The following ADCY7 variants were observed in gnomAD, a reference collection of about 807,000 sequenced individuals.
ADCY7 encodes adenylate cyclase type 7.
ADCY7 carries 72 observed loss-of-function variants against 120.6 expected under a neutral mutation model. The observed-to-expected ratio is 0.60, with a 90% CI of 0.49 to 0.73. The LOEUF (loss-of-function observed/expected upper bound fraction) is 0.73, where lower values mean the gene tolerates loss of function less well. ADCY7 is among the 30% of genes least tolerant of loss of function. The probability of loss-of-function intolerance (pLI) is 0.00; values close to 1 mark genes in which losing one functional copy is unlikely to be tolerated. For missense variants in ADCY7, 1,227 were observed against 1,486.0 expected (o/e 0.83, Z 2.87); for synonymous variants, 661 against 628.0 (o/e 1.05, Z -0.78).
chr16:50,272,674 C>T (rs1299011102), intron 1 of ADCY7, among the ~76,000 whole-genome samples: 1 of 152,168 alleles, frequency 6.6e-6, no homozygotes, highest in Non-Finnish European at 1.5e-5. Flanking sequence ...TGTCTTGGTC[C>T]TGCTGCTGTT....
intron 1 of ADCY7, among the ~76,000 whole-genome samples, chr16:50,281,184 G>C (rs1456878556): frequency 6.6e-6 from 1 of 152,220 alleles, no homozygotes; most frequent in Non-Finnish European, 1.5e-5. Context: ...TTGCCAATTT[G>C]TCTTGCAAGC....
chr16:50,268,382 G>C (rs2033349275), intron 1 of ADCY7, among the ~76,000 whole-genome samples: 1 of 151,954 alleles, frequency 6.6e-6, no homozygotes, highest in Non-Finnish European at 1.5e-5. Context: ...TGGGATTATA[G>C]GTGTGAGCCA....
chr16:50,307,644 A>G (rs1413989708), intron 15 of ADCY7, among the ~76,000 whole-genome samples: 1 of 152,142 alleles, frequency 6.6e-6, no homozygotes, highest in East Asian at 1.9e-4. Context: ...GGTGCTTTCT[A>G]GAAGAGCAGT....
Position 50,293,421 on chromosome 16 carries a change from G to A in ADCY7, c.755G>A (p.Arg252Gln), listed in dbSNP as rs925406355. The A allele has an allele frequency of 3.7e-6, 6 of 1,613,890 alleles. No homozygotes were observed. The highest frequency in any genetic ancestry group is 2.7e-5 in the African/African-American group (2 of 74,916). Residue 252 changes from arginine to glutamine, a missense_variant, in exon 6 of 26, where the codon CGG becomes CAG. Physicochemically the swap from Arg to Gln is conservative, Grantham distance 43 (BLOSUM62 1). This residue lies in a region of ADCY7 where 382 missense variants were observed against 411.4 expected (regional missense o/e 0.93). Transcript: ENST00000673801. Reference sequence around the variant, plus strand: ...GGCATGAAGCTGGCCATCATCGAACGGCTCAAGGAGCATGGTGACCGTCGC... The same window carrying A: ...GGCATGAAGCTGGCCATCATCGAACAGCTCAAGGAGCATGGTGACCGTCGC... ...SMGMKLAIIE[R>Q]LKEHGDRRCM...
At chr16:50,304,297 C>T (rs538431726) in intron 10 of ADCY7, 63 bp from the exon 11 acceptor site, 73 of 1,341,158 alleles carry the variant, frequency 5.4e-5, no homozygotes, top group Non-Finnish European at 6.7e-5. Flanking sequence ...ATGGGGATGG[C>T]GGCCCCTTCC....
rs546698087 is a variant in ADCY7, at chr16:50,281,558, G to A, written c.-268-6354G>A. ...CTGGCTACCCTGCTCGGCCATTCAC[G>A]TCACAGGTGTTTGCCAGGACCAGCT... On this transcript the variant is annotated intron_variant, in intron 1 of 25. Coordinates refer to ENST00000673801, the MANE Select transcript of ADCY7 (RefSeq NM_001114.5). Among the ~76,000 whole-genome samples, 8 of 152,308 alleles carry A rather than the reference G, an allele frequency of 5.3e-5. No individual in the cohort carries two copies. The East Asian group carries it at 9.7e-4, about 18-fold the overall frequency.
intron 6 of ADCY7, among the ~76,000 whole-genome samples, chr16:50,293,882 G>A (rs1212728529): frequency 1.3e-5 from 2 of 152,186 alleles, no homozygotes; most frequent in Non-Finnish European, 2.9e-5. Flanking sequence ...AGAGTGCCCC[G>A]GTTCTGACAC....
chr16:50,293,549 C>A (rs766900908), intron 6 of ADCY7, 47 bp downstream of exon 6: 1 of 1,594,836 alleles, frequency 6.3e-7, no homozygotes, highest in South Asian at 1.1e-5. Context: ...ACTGGGCCCA[C>A]CGTTCCACCG....
Position 50,300,740 on chromosome 16 carries a change from G to A in ADCY7, c.1102G>A (p.Asp368Asn), listed in dbSNP as rs1209929217. 7 of 1,551,904 alleles carry A rather than the reference G, an allele frequency of 4.5e-6. No individual in the cohort carries two copies. Among genetic ancestry groups the A allele is most frequent in the East Asian group, 2.4e-5 (1 of 40,944 alleles). ...IKQVREATGV[D>N]INMRVGIHSG... ...GCAGGTGCGGGAGGCCACGGGCGTG[G>A]ACATCAACATGCGTGTGGGCATACA... Residue 368 changes from aspartate (D) to asparagine (N), a missense_variant, in exon 9 of 26, where the codon GAC becomes AAC. Asp to Asn is a conservative substitution (Grantham distance 23). Transcript: ENST00000673801.
rs113034092 is a variant in ADCY7 at position 50,305,435 on chromosome 16, C to T, written c.1596-68C>T. 7.2e-3 allele frequency: 10,280 copies of T among 1,419,832 alleles called. 75 individuals are homozygous for T. Among genetic ancestry groups the T allele is most frequent in the Non-Finnish European group, 7.2e-3 (7,306 of 1,008,716 alleles). The allele number at this position is 1,419,832 out of a possible 1,614,324, so 88.0% of individuals were successfully genotyped here. ...TCTGGGACCCCACTGGTGTCTACGT[C>T]CACACCCTCCTCTGGGAGAGTTGGA... On this transcript the variant is annotated intron_variant, in intron 12 of 25. Transcript: ENST00000673801.
At chr16:50,247,301 G>A (rs1343423353) in intron 1 of ADCY7, among the ~76,000 whole-genome samples, 2 of 152,232 alleles carry the variant, frequency 1.3e-5, no homozygotes, top group Admixed American at 1.3e-4. Context: ...AGGAGTGGCT[G>A]ACTGGGCCTG....
In ADCY7 at chr16:50,308,812, G is replaced by A. The variant is rs1328508674; in HGVS notation, c.2061+20G>A. On this transcript the variant is annotated intron_variant, in intron 17 of 25. Transcript: ENST00000673801. ...AACCTGGTGGGTCCCGTGGTGGGGA[G>A]GCAGGCCTCCGGGGTAGAGGGAGAC... is the stretch of plus-strand genomic sequence containing the variant. 2 of 1,596,446 alleles carry A rather than the reference G, an allele frequency of 1.3e-6. No individual in the cohort carries two copies.
intron 1 of ADCY7, among the ~76,000 whole-genome samples, chr16:50,270,218 G>A (rs992694039): frequency 4.0e-5 from 6 of 150,974 alleles, no homozygotes; most frequent in South Asian, 2.1e-4. Flanking sequence ...TAGATAGATA[G>A]ATAGATAGAT....
chr16:50,248,597 G>C (rs1190705076), intron 1 of ADCY7, among the ~76,000 whole-genome samples: 2 of 152,256 alleles, frequency 1.3e-5, no homozygotes, highest in Non-Finnish European at 2.9e-5. Flanking sequence ...CTTTGGGGGA[G>C]TTCGTGGACA....
At chr16:50,311,569 T>C (rs2036461645) in intron 19 of ADCY7, 124 bp from the exon 20 acceptor site, 2 of 741,742 alleles carry the variant, frequency 2.7e-6, no homozygotes, top group Admixed American at 2.0e-5. Flanking sequence ...TGTCTTGTTT[T>C]CTACCCACCC....
rs1368318728 is a variant in ADCY7 at position 50,316,696 on chromosome 16, T to C, written c.*1191T>C. ...AATGCAAAAAGCCAGGTTTTGGGGA[T>C]GTGTCTTACTGTGCTTCAACTTCCC... On this transcript the variant is annotated 3_prime_UTR_variant, in exon 26 of 26. Transcript: ENST00000673801. 1 of 152,340 alleles carries C rather than the reference T, an allele frequency of 6.6e-6. No individual in the cohort carries two copies. The highest frequency in any genetic ancestry group is 1.5e-5 in the Non-Finnish European group (1 of 68,040). 9.4% of individuals were successfully genotyped at this position (152,340 alleles called of 1,614,324 possible).
At chr16:50,275,848 A>T (rs186585450) in intron 1 of ADCY7, among the ~76,000 whole-genome samples, 4 of 152,310 alleles carry the variant, frequency 2.6e-5, no homozygotes, top group Non-Finnish European at 5.9e-5. Flanking sequence ...TTAAGGTCCC[A>T]GAGTCAGTTG....
At chr16:50,296,238 A>G (rs2035340859) in intron 7 of ADCY7, among the ~76,000 whole-genome samples, 1 of 152,094 alleles carries the variant, frequency 6.6e-6, no homozygotes, top group Non-Finnish European at 1.5e-5. Flanking sequence ...TATTTTGTGG[A>G]GATGGGGTTT....
At chr16:50,283,465 C>A (rs1038787708) in intron 1 of ADCY7, among the ~76,000 whole-genome samples, 2 of 152,240 alleles carry the variant, frequency 1.3e-5, no homozygotes, top group African/African-American at 4.8e-5. Flanking sequence ...CAAAGAGAGC[C>A]TTCACTTCCC....
Sources: allele counts gnomAD v4.1 joint callset (sites outside exome capture counted in the v4.1 genomes callset), GRCh38; gene constraint gnomAD v4.1.1; regional missense constraint gnomAD v4.1.1; transcripts MANE v1.5; gene names NCBI Gene and HGNC (gene_info 2026-07-23, HGNC 2026-07-21).